GNG7: variants seen among roughly 807,000 people sequenced by gnomAD.
The protein encoded by GNG7 is G protein subunit gamma 7.
A neutral mutation model predicts 4.0 loss-of-function variants in GNG7; 1 was observed. The observed-to-expected ratio is 0.25, with a 90% CI of 0.09 to 1.18. The LOEUF is 1.18. Ranked by LOEUF, GNG7 falls within the 50% of genes most tolerant of loss-of-function variation. The pLI is 0.50. For synonymous variants in GNG7, 34 were observed against 36.9 expected (o/e 0.92, Z 0.29); for missense variants, 86 against 91.9 (o/e 0.94, Z 0.26).
At chr19:2,646,004 G>T (rs1020426228) in intron 2 of GNG7, among the ~76,000 whole-genome samples, 1 of 152,138 alleles carries the variant, frequency 6.6e-6, no homozygotes, top group Non-Finnish European at 1.5e-5. Flanking sequence ...ACCAGTGAGT[G>T]CCACGTTCCC....
intron 2 of GNG7, among the ~76,000 whole-genome samples, chr19:2,597,467 G>A (rs1315134534): frequency 6.6e-6 from 1 of 151,810 alleles, no homozygotes; most frequent in Non-Finnish European, 1.5e-5. Context: ...CGTGGTGGCG[G>A]GCACCTGTAA....
chr19:2,680,762 C>T (rs146027399), intron 1 of GNG7, among the ~76,000 whole-genome samples: 10 of 151,394 alleles, frequency 6.6e-5, no homozygotes, highest in Non-Finnish European at 1.2e-4. Context: ...TTAGTAGAGG[C>T]GGGGTTTCTC....
intron 1 of GNG7, among the ~76,000 whole-genome samples, chr19:2,661,783 C>T (rs931890317): frequency 7.2e-5 from 11 of 152,096 alleles, no homozygotes; most frequent in African/African-American, 2.7e-4. Flanking sequence ...CTGAGGCCTC[C>T]ACCAACAGCC....
chr19:2,684,177 C>G (rs376595020), intron 1 of GNG7, among the ~76,000 whole-genome samples: 4 of 149,546 alleles, frequency 2.7e-5, no homozygotes, highest in Middle Eastern at 3.5e-3. Flanking sequence ...CACTCTGTCG[C>G]CCAGGCTGGA....
At chr19:2,696,176 A>AGAGAGAGAG (rs1229748110) in intron 1 of GNG7, among the ~76,000 whole-genome samples, 6 of 146,222 alleles carry the variant, frequency 4.1e-5, no homozygotes, top group Admixed American at 1.4e-4. Context: ...AAAGAGAGAA[A>AGAGAGAGAG]GAGAGAGAGG....
At chr19:2,622,931 G>A (rs550011872) in intron 2 of GNG7, among the ~76,000 whole-genome samples, 18 of 152,336 alleles carry the variant, frequency 1.2e-4, no homozygotes, top group African/African-American at 3.6e-4. Flanking sequence ...CTGACACCCC[G>A]GGCACGGCCA....
intron 1 of GNG7, among the ~76,000 whole-genome samples, chr19:2,656,099 G>A (rs1443240486): frequency 1.3e-5 from 2 of 151,150 alleles, no homozygotes; most frequent in Non-Finnish European, 2.9e-5. Context: ...AGGGAACCCT[G>A]TGTGCTGTTG....
chr19:2,666,010 C>T (rs9749166), intron 1 of GNG7, among the ~76,000 whole-genome samples: 51,554 of 151,450 alleles, frequency 0.34, 8,823 homozygotes, highest in East Asian at 0.48. Flanking sequence ...GTATTAGAGG[C>T]GCCCGCCACC....
At chr19:2,586,842 G>T (rs111523905) in intron 2 of GNG7, among the ~76,000 whole-genome samples, 1 of 151,914 alleles carries the variant, frequency 6.6e-6, no homozygotes, top group South Asian at 2.1e-4. Context: ...AAAATTAGCC[G>T]GGTGTGGTGT....
At position 2,637,775 on chromosome 19, in the gene GNG7, C is replaced by A. The variant is rs75558441; in HGVS notation, c.-78+8449G>T. Among the ~76,000 whole-genome samples, 639 of 152,342 alleles carry A rather than the reference C, an allele frequency of 4.2e-3. 8 individuals are homozygous for A. The highest frequency in any genetic ancestry group is 0.014 in the African/African-American group (602 of 41,572). ...CAGCGTCCCTGGCCTCCATCCACTCCATGCCAGGAGCATCCCTCCATCATG... is the reference window on the plus strand; with the variant it reads ...CAGCGTCCCTGGCCTCCATCCACTCAATGCCAGGAGCATCCCTCCATCATG... On this transcript the variant is annotated intron_variant, in intron 2 of 4. Coordinates refer to ENST00000382159, the MANE Select transcript of GNG7 (RefSeq NM_052847.3).
At position 2,514,968 on chromosome 19, in the gene GNG7, CAGAGAGAGAGAGAGAGAAAG is replaced by C. The variant is rs1568228157; in HGVS notation, c.*34_*53del. The C allele has an allele frequency of 8.1e-7, 1 of 1,238,372 alleles. No homozygotes were observed. 76.7% of individuals were successfully genotyped at this position (1,238,372 alleles called of 1,614,324 possible). A position where few individuals can be genotyped will look rare whatever the true frequency, so the allele number is the denominator to read the frequency against. ...GCCCTGCCTGAGACAGAGACAGAGA[CAGAGAGAGAGAGAGAGAAAG>C]AGAGAGAGAGAGAGAGAACATATGA... On this transcript the variant is annotated 3_prime_UTR_variant, in exon 5 of 5. Transcript: ENST00000382159.
intron 2 of GNG7, among the ~76,000 whole-genome samples, chr19:2,612,519 C>A (rs1981600645): frequency 6.6e-6 from 1 of 152,064 alleles, no homozygotes. Context: ...CCCCCCCAGG[C>A]AGGACCCAGG....
intron 1 of GNG7, among the ~76,000 whole-genome samples, chr19:2,665,440 T>C (rs1211014912): frequency 6.7e-6 from 1 of 149,890 alleles, no homozygotes; most frequent in East Asian, 2.0e-4. Context: ...GAATGTCTGG[T>C]GAGACGGGCA....
intron 2 of GNG7, among the ~76,000 whole-genome samples, chr19:2,625,864 C>A (rs1982007827): frequency 6.6e-6 from 1 of 152,108 alleles, no homozygotes. Context: ...CTGATGCTCA[C>A]CGCAACTCCG....
At chr19:2,586,388 GC>G (rs1568253425) in intron 2 of GNG7, among the ~76,000 whole-genome samples, 1 of 152,206 alleles carries the variant, frequency 6.6e-6, no homozygotes, top group Non-Finnish European at 1.5e-5. Flanking sequence ...CGCTCAGCAG[GC>G]CCATAAATTC....
chr19:2,550,461 A>G (rs1360101814), intron 3 of GNG7, among the ~76,000 whole-genome samples: 1 of 152,006 alleles, frequency 6.6e-6, no homozygotes, highest in Admixed American at 6.6e-5. Flanking sequence ...CCTGACCTCA[A>G]GTGATCTCCG....
chr19:2,624,899 C>T (rs1259132952), intron 2 of GNG7, among the ~76,000 whole-genome samples: 1 of 152,208 alleles, frequency 6.6e-6, no homozygotes, highest in Non-Finnish European at 1.5e-5. Context: ...CCACTCCTGC[C>T]CTGAGACAGG....
chr19:2,672,098 C>T lies in GNG7; in HGVS notation c.-134-25818G>A, dbSNP rs183511283. ...GGAGTCTCGCTCTCTCACCCAGTGG[C>T]GCAGTCTCAGCTCACTGCAACTGCT... On this transcript the variant is annotated intron_variant, in intron 1 of 4. Transcript: ENST00000382159. Among the ~76,000 whole-genome samples, 17 of 146,920 alleles carry T rather than the reference C, an allele frequency of 1.2e-4. No homozygotes were observed. The East Asian group carries it at 1.7e-3, about 14-fold the overall frequency.
Position 2,588,500 on chromosome 19 carries a change from G to A in GNG7, c.-77-33312C>T, listed in dbSNP as rs539008664. On this transcript the variant is annotated intron_variant, in intron 2 of 4. Coordinates refer to ENST00000382159, the MANE Select transcript of GNG7 (RefSeq NM_052847.3). The stretch of plus-strand genomic sequence containing the variant: ...CAGGGCCGGGCAGGGCGGTCAAAGG[G>A]CCCGTTCCCCCGGCTGGGAAAAAAG... Among the ~76,000 whole-genome samples the A allele has an allele frequency of 5.9e-5, 9 of 152,348 alleles. No homozygotes were observed. In the South Asian group the frequency reaches 1.9e-3, roughly 32 times the overall value.
Sources: allele counts gnomAD v4.1 joint callset (sites outside exome capture counted in the v4.1 genomes callset), GRCh38; gene constraint gnomAD v4.1.1; transcripts MANE v1.5; gene names NCBI Gene and HGNC (gene_info 2026-07-23, HGNC 2026-07-21).